The following PJA2 variants were observed in gnomAD, a reference collection of about 807,000 sequenced individuals.
The protein encoded by PJA2 is praja ring finger ubiquitin ligase 2.
A neutral mutation model predicts 69.3 loss-of-function variants in PJA2; 25 were observed. The observed-to-expected ratio is 0.36, with a 90% confidence interval of 0.26 to 0.50. The LOEUF (loss-of-function observed/expected upper bound fraction) is 0.50. Among genes scored for constraint, PJA2 ranks in the 20% least tolerant of loss-of-function variants. The pLI, the probability that PJA2 is intolerant of heterozygous loss-of-function variation, is 0.96. For missense variants in PJA2, 809 were observed against 830.2 expected (o/e 0.97, Z 0.31); for synonymous variants, 308 against 277.8 (o/e 1.11, Z -1.08).
At chr5:109,390,838 G>A (rs1164381968) in intron 1 of PJA2, 2 of 151,972 alleles carry the variant, frequency 1.3e-5, no homozygotes, top group Non-Finnish European at 2.9e-5. Context: ...TTTCTCTAAT[G>A]AGTATTTTAA....
Position 109,368,594 on chromosome 5 carries a change from T to A in PJA2, c.1436A>T (p.Glu479Val), listed in dbSNP as rs748213907. Reference protein sequence around the residue: ...PELQSDSSGPEEENQELSLQE... With the variant: ...PELQSDSSGPVEENQELSLQE... ...AAGAGATAATTCTTGGTTTTCTTCTTCAGGGCCACTGCTATCACTTTGTAG... is the reference window on the plus strand; with the variant it reads ...AAGAGATAATTCTTGGTTTTCTTCTACAGGGCCACTGCTATCACTTTGTAG... Residue 479 changes from glutamate (E) to valine (V), a missense_variant, in exon 5 of 10, where the codon GAA becomes GTA. By Grantham distance (121) the Glu-to-Val change is moderately radical. This residue lies in a region of PJA2 where 700 missense variants were observed against 639.5 expected (regional missense o/e 1.09). Coordinates refer to ENST00000361189, the MANE Select transcript of PJA2 (RefSeq NM_014819.5). 5 of 1,613,898 alleles carry A rather than the reference T, an allele frequency of 3.1e-6. No individual in the cohort carries two copies. Among genetic ancestry groups the A allele is most frequent in the Admixed American group, 1.7e-5 (1 of 59,944 alleles).
At chr5:109,383,379 T>C (rs759854578) in intron 2 of PJA2, 24 bp downstream of exon 2, 2 of 1,611,002 alleles carry the variant, frequency 1.2e-6, no homozygotes, top group African/African-American at 1.3e-5. Context: ...AAGTACTCAA[T>C]GTAGAAGAAC....
At chr5:109,352,752 T>C (rs1011041821) in intron 7 of PJA2, among the ~76,000 whole-genome samples, 4 of 151,880 alleles carry the variant, frequency 2.6e-5, no homozygotes, top group Admixed American at 2.6e-4. Flanking sequence ...TGCATGTGTG[T>C]GCACAGATGG....
At chr5:109,389,326 G>A (rs996654260) in intron 1 of PJA2, among the ~76,000 whole-genome samples, 16 of 152,032 alleles carry the variant, frequency 1.1e-4, no homozygotes, top group Non-Finnish European at 2.2e-4. Flanking sequence ...TACCTTAATA[G>A]ACACAGAACA....
intron 1 of PJA2, among the ~76,000 whole-genome samples, chr5:109,393,031 A>G (rs1216506340): frequency 6.6e-6 from 1 of 152,254 alleles, no homozygotes; most frequent in African/African-American, 2.4e-5. Flanking sequence ...TCCATTCATA[A>G]AAAGATACCA....
intron 1 of PJA2, among the ~76,000 whole-genome samples, chr5:109,387,730 C>G (rs926635796): frequency 2.5e-4 from 38 of 152,178 alleles, no homozygotes; most frequent in African/African-American, 8.9e-4. Flanking sequence ...GCCAACAGAT[C>G]TGGACAGACA....
At chr5:109,357,866 C>T (rs1050308232) in intron 6 of PJA2, among the ~76,000 whole-genome samples, 1 of 152,224 alleles carries the variant, frequency 6.6e-6, no homozygotes, top group African/African-American at 2.4e-5. Flanking sequence ...CGATTGAAGA[C>T]AACTATCTCC....
intron 7 of PJA2, among the ~76,000 whole-genome samples, chr5:109,346,330 G>C (rs1337675686): frequency 6.6e-6 from 1 of 152,144 alleles, no homozygotes; most frequent in Non-Finnish European, 1.5e-5. Context: ...TATTACAGCT[G>C]CTAGAGAAAA....
intron 6 of PJA2, among the ~76,000 whole-genome samples, chr5:109,357,991 C>T (rs1762442520): frequency 6.6e-6 from 1 of 152,230 alleles, no homozygotes; most frequent in Admixed American, 6.5e-5. Context: ...ATGTACTTGG[C>T]AGTCACCATG....
At chr5:109,352,489 C>A (rs958180272) in intron 7 of PJA2, among the ~76,000 whole-genome samples, 17 of 152,118 alleles carry the variant, frequency 1.1e-4, no homozygotes, top group Non-Finnish European at 2.5e-4. Context: ...AGTTACCATG[C>A]TATACCATTA....
In PJA2 at chr5:109,409,952, G is replaced by A. The variant is rs113159627; in HGVS notation, c.-198C>T. 1.4e-5 allele frequency: 3 copies of A among 213,732 alleles called. No homozygotes were observed. Among genetic ancestry groups the A allele is most frequent in the Admixed American group, 6.2e-5 (1 of 16,172 alleles). The allele number at this position is 213,732 out of a possible 1,614,324, so 13.2% of individuals were successfully genotyped here. On this transcript the variant is annotated 5_prime_UTR_variant, in exon 1 of 10. Transcript: ENST00000361189. ...CCCGCCGAACGCGAAGCGGCTGGCGGCTGTGGCGGCGGCGGCGGCGGTGGC... is the reference window on the plus strand; with the variant it reads ...CCCGCCGAACGCGAAGCGGCTGGCGACTGTGGCGGCGGCGGCGGCGGTGGC...
At chr5:109,365,613 T>C (rs1306678236) in intron 5 of PJA2, among the ~76,000 whole-genome samples, 1 of 152,146 alleles carries the variant, frequency 6.6e-6, no homozygotes, top group African/African-American at 2.4e-5. Context: ...TAATTTCATC[T>C]GTTTATCAAG....
At chr5:109,361,693 C>T (rs1288783369) in intron 6 of PJA2, among the ~76,000 whole-genome samples, 1 of 152,204 alleles carries the variant, frequency 6.6e-6, no homozygotes, top group East Asian at 1.9e-4. Context: ...CTCCATAATG[C>T]ATGGGAAACC....
chr5:109,340,606 G>C (rs1762025086), intron 9 of PJA2, among the ~76,000 whole-genome samples: 1 of 114,820 alleles, frequency 8.7e-6, no homozygotes, highest in Non-Finnish European at 1.7e-5. Flanking sequence ...ATATGCTTAA[G>C]ATTTATTGGG....
intron 1 of PJA2, among the ~76,000 whole-genome samples, chr5:109,401,268 A>T (rs904080912): frequency 3.9e-5 from 6 of 152,154 alleles, no homozygotes; most frequent in African/African-American, 1.4e-4. Context: ...TGGGCGACAG[A>T]GTGAGACTCT....
intron 9 of PJA2, among the ~76,000 whole-genome samples, chr5:109,342,127 C>T (rs1762078900): frequency 2.4e-5 from 3 of 124,938 alleles, no homozygotes; most frequent in Admixed American, 7.4e-5. Context: ...CCCGGCCAGC[C>T]GCCCCGTCCG....
intron 1 of PJA2, among the ~76,000 whole-genome samples, chr5:109,402,639 G>A (rs1747579971): frequency 6.6e-6 from 1 of 152,140 alleles, no homozygotes. Flanking sequence ...TAAGGAAAGA[G>A]AAGGCCTAAC....
intron 1 of PJA2, among the ~76,000 whole-genome samples, chr5:109,398,460 A>G (rs1747466160): frequency 6.6e-6 from 1 of 152,164 alleles, no homozygotes; most frequent in Non-Finnish European, 1.5e-5. Context: ...AAAAAGGATG[A>G]GTTCATGTCC....
chr5:109,353,679 A>T (rs1345244965), intron 7 of PJA2, among the ~76,000 whole-genome samples: 2 of 148,480 alleles, frequency 1.3e-5, no homozygotes, highest in African/African-American at 4.9e-5. Flanking sequence ...ACAGACATCT[A>T]TATATTAGAT....
Sources: allele counts gnomAD v4.1 joint callset (sites outside exome capture counted in the v4.1 genomes callset), GRCh38; gene constraint gnomAD v4.1.1; regional missense constraint gnomAD v4.1.1; transcripts MANE v1.5; gene names NCBI Gene and HGNC (gene_info 2026-07-23, HGNC 2026-07-21).